The following CDH13 variants were observed in gnomAD, a reference collection of about 807,000 sequenced individuals.
The protein encoded by CDH13 is cadherin-13.
CDH13 carries 24 observed loss-of-function variants against 63.8 expected under a neutral mutation model. The ratio of observed to expected loss-of-function variants is 0.38; its 90% CI spans 0.27 to 0.53. The LOEUF is 0.53. CDH13 is among the 20% of genes least tolerant of loss of function. CDH13 has a pLI of 0.85. For synonymous variants in CDH13, 503 were observed against 355.3 expected, an observed-to-expected ratio of 1.42 and a Z score of -4.67; for missense variants, 1,049 against 903.1, an observed-to-expected ratio of 1.16 and a Z score of -2.07.
rs558872837 is a variant in CDH13, at chr16:83,325,108, C to T, written c.637-19754C>T. ...TTCATCCGCAATCTAAATGGGATCTCGTTATTATATTCTTCCATGTTTCAT... is the reference window on the plus strand; with the variant it reads ...TTCATCCGCAATCTAAATGGGATCTTGTTATTATATTCTTCCATGTTTCAT... On this transcript the variant is annotated intron_variant, in intron 5 of 13. Transcript: ENST00000567109. Among the ~76,000 whole-genome samples the T allele has an allele frequency of 7.4e-4, 112 of 152,314 alleles. 1 individual carries two copies. In the Middle Eastern group the frequency reaches 0.014, roughly 19 times the overall value.
intron 10 of CDH13, among the ~76,000 whole-genome samples, chr16:83,744,751 C>T (rs958962263): frequency 1.1e-4 from 16 of 152,224 alleles, no homozygotes; most frequent in African/African-American, 3.9e-4. Flanking sequence ...AGTTTGCCCT[C>T]ACAGCTACCC....
intron 6 of CDH13, among the ~76,000 whole-genome samples, chr16:83,432,220 T>G (rs2072140072): frequency 1.3e-5 from 2 of 152,100 alleles, no homozygotes; most frequent in African/African-American, 4.8e-5. Context: ...GTCATGCATT[T>G]GGAATAAGAG....
rs191419405 is a variant in CDH13 at position 83,295,868 on chromosome 16, C to A, written c.637-48994C>A. 9.8e-5 allele frequency among the ~76,000 whole-genome samples: 15 copies of A among 152,294 alleles called. No homozygotes were observed. In the East Asian group the frequency reaches 2.7e-3, roughly 27 times the overall value. The stretch of plus-strand genomic sequence containing the variant: ...ATATGTCAAAGAGACGTCTGCACTT[C>A]TGTATGTATTGCAGCAGTGTTCACA... On this transcript the variant is annotated intron_variant, in intron 5 of 13. Coordinates refer to ENST00000567109, the MANE Select transcript of CDH13 (RefSeq NM_001257.5).
intron 4 of CDH13, among the ~76,000 whole-genome samples, chr16:83,208,475 T>A (rs958605220): frequency 6.6e-6 from 1 of 152,176 alleles, no homozygotes; most frequent in African/African-American, 2.4e-5. Flanking sequence ...ACAGTGTTTT[T>A]TTTTTTCCTA....
intron 1 of CDH13, among the ~76,000 whole-genome samples, chr16:82,832,578 T>C (rs779342753): frequency 1.4e-5 from 2 of 142,376 alleles, no homozygotes; most frequent in Non-Finnish European, 3.0e-5. Flanking sequence ...ATTAGATTTA[T>C]AAATCATGTG....
intron 6 of CDH13, among the ~76,000 whole-genome samples, chr16:83,367,519 G>T (rs2091281472): frequency 6.6e-6 from 1 of 152,164 alleles, no homozygotes; most frequent in Non-Finnish European, 1.5e-5. Context: ...TCTGGGAATG[G>T]AATTGCTGAG....
chr16:83,445,080 T>G (rs78817923), intron 6 of CDH13, among the ~76,000 whole-genome samples: 2,027 of 152,138 alleles, frequency 0.013, 41 homozygotes, highest in African/African-American at 0.045. Flanking sequence ...ATTCTTAATT[T>G]TTGATATTTT....
intron 1 of CDH13, among the ~76,000 whole-genome samples, chr16:82,677,969 C>A (rs1567617919): frequency 6.6e-6 from 1 of 152,106 alleles, no homozygotes; most frequent in Admixed American, 6.6e-5. Context: ...AAGATATGAT[C>A]CAGAAAATCT....
chr16:83,612,635 T>A (rs993090320), intron 8 of CDH13, among the ~76,000 whole-genome samples: 15 of 152,094 alleles, frequency 9.9e-5, no homozygotes, highest in South Asian at 2.1e-4. Flanking sequence ...TGGGTTTTTT[T>A]ATAATTTCAT....
chr16:83,357,621 G>C (rs76326013), intron 6 of CDH13, among the ~76,000 whole-genome samples: 2,106 of 152,170 alleles, frequency 0.014, 51 homozygotes, highest in African/African-American at 0.048. Flanking sequence ...GGAAGAAGAG[G>C]GTACAACTGG....
intron 1 of CDH13, among the ~76,000 whole-genome samples, chr16:82,837,999 G>T (rs907278053): frequency 3.3e-5 from 5 of 152,070 alleles, no homozygotes; most frequent in East Asian, 1.9e-4. Flanking sequence ...AGGTCATAAG[G>T]CCCCTACTAA....
At chr16:83,564,150 T>C (rs2075752877) in intron 7 of CDH13, among the ~76,000 whole-genome samples, 1 of 152,180 alleles carries the variant, frequency 6.6e-6, no homozygotes, top group Non-Finnish European at 1.5e-5. Flanking sequence ...CTAGTATCAG[T>C]AGTACTGTTG....
chr16:82,866,307 C>T (rs972980783), intron 2 of CDH13, among the ~76,000 whole-genome samples: 4 of 150,930 alleles, frequency 2.7e-5, no homozygotes, highest in African/African-American at 4.9e-5. Context: ...TTTGGGTATC[C>T]TTATAGCAGC....
chr16:82,720,411 T>G (rs1344374973), intron 1 of CDH13, among the ~76,000 whole-genome samples: 1 of 152,210 alleles, frequency 6.6e-6, no homozygotes, highest in African/African-American at 2.4e-5. Flanking sequence ...AATTGCTTAG[T>G]CTATAATAGT....
intron 11 of CDH13, among the ~76,000 whole-genome samples, chr16:83,751,500 G>A (rs17778083): frequency 0.079 from 11,991 of 152,118 alleles, 519 homozygotes; most frequent in South Asian, 0.14. Context: ...GAAAATGGAC[G>A]CGGTGATGGC....
intron 1 of CDH13, among the ~76,000 whole-genome samples, chr16:82,716,070 G>A (rs1180535008): frequency 6.6e-6 from 1 of 152,276 alleles, no homozygotes; most frequent in African/African-American, 2.4e-5. Context: ...GACCTTCCAG[G>A]CATGGTGAGA....
chr16:83,188,528 A>T (rs1338670824), intron 4 of CDH13, among the ~76,000 whole-genome samples: 1 of 152,142 alleles, frequency 6.6e-6, no homozygotes, highest in East Asian at 1.9e-4. Context: ...GGGAAACTGA[A>T]GCTCAGAGAC....
At chr16:83,647,410 C>G (rs16961150) in intron 8 of CDH13, among the ~76,000 whole-genome samples, 39,227 of 151,938 alleles carry the variant, frequency 0.26, 5,089 homozygotes, top group South Asian at 0.35. Context: ...GCTTACCTTT[C>G]TGTTTTGTTT....
At chr16:83,757,962 T>C (rs1178308491) in intron 11 of CDH13, among the ~76,000 whole-genome samples, 1 of 151,864 alleles carries the variant, frequency 6.6e-6, no homozygotes, top group Non-Finnish European at 1.5e-5. Flanking sequence ...GCCCCTTCTC[T>C]GCTAAAAAAT....
Sources: allele counts gnomAD v4.1 joint callset (sites outside exome capture counted in the v4.1 genomes callset), GRCh38; gene constraint gnomAD v4.1.1; transcripts MANE v1.5; gene names NCBI Gene and HGNC (gene_info 2026-07-23, HGNC 2026-07-21).